Variants in FGF8 observed in about 807,000 individuals in gnomAD.
FGF8 encodes the protein fibroblast growth factor 8, also known as androgen-induced growth factor.
In FGF8, 12 loss-of-function variants were observed where a neutral mutation model predicts 29.7. That is an observed-to-expected ratio of 0.40 (90% CI 0.26 to 0.65). FGF8 has a LOEUF of 0.65. FGF8 is among the 30% of genes least tolerant of loss of function. The pLI is 0.37. For missense variants in FGF8, 271 were observed against 345.1 expected, an observed-to-expected ratio of 0.79 and a Z score of 1.70; for synonymous variants, 157 against 144.4, an observed-to-expected ratio of 1.09 and a Z score of -0.63.
Position 101,775,021 on chromosome 10 carries a change from G to A in FGF8, c.156+109C>T. 1 of 1,500,960 alleles carries A rather than the reference G, an allele frequency of 6.7e-7. No homozygotes were observed. The allele number at this position is 1,500,960 out of a possible 1,614,324, so 93.0% of individuals were successfully genotyped here. Reference sequence around the variant, plus strand: ...CCCTCACTGCCCCAAGCCGCCAGCAGGTGCTGGGGGTTCCCCCAACATGCC... The same window carrying A: ...CCCTCACTGCCCCAAGCCGCCAGCAAGTGCTGGGGGTTCCCCCAACATGCC... On this transcript the variant is annotated intron_variant, in intron 3 of 5. Coordinates refer to ENST00000320185, the MANE Select transcript of FGF8 (RefSeq NM_033163.5). The surrounding 1 kb of genome is among the most constrained non-coding windows in gnomAD (Gnocchi z 4.6).
At position 101,770,306 on chromosome 10, in the gene FGF8, T is replaced by C; in HGVS notation, c.*23A>G. The stretch of plus-strand genomic sequence containing the variant: ...GGATGAGCCTCTCTGCGGTCTGGCA[T>C]TGTGGGGAGGGCCAGGCAGCACCTA... On this transcript the variant is annotated 3_prime_UTR_variant, in exon 6 of 6. Coordinates refer to ENST00000320185, the MANE Select transcript of FGF8 (RefSeq NM_033163.5). 2 of 1,572,274 alleles carry C rather than the reference T, an allele frequency of 1.3e-6. No homozygotes were observed. Among genetic ancestry groups the C allele is most frequent in the East Asian group, 2.3e-5 (1 of 43,712 alleles).
Position 101,771,664 on chromosome 10 carries a change from C to T in FGF8, c.338-95G>A, listed in dbSNP as rs2065028803. 1.1e-6 allele frequency: 1 copy of T among 952,078 alleles called. No homozygotes were observed. Among genetic ancestry groups the T allele is most frequent in the Non-Finnish European group, 1.7e-6 (1 of 595,528 alleles). 59.0% of individuals were successfully genotyped at this position (952,078 alleles called of 1,614,324 possible). The stretch of plus-strand genomic sequence containing the variant: ...GCCCAGCAGCAACTGCTCCAAAGAC[C>T]AGGAACCCAAAACATGGACTCCAGC... On this transcript the variant is annotated intron_variant, in intron 4 of 5. Transcript: ENST00000320185. The surrounding 1 kb of genome is among the most constrained non-coding windows in gnomAD (Gnocchi z 5.3).
Position 101,775,942 on chromosome 10 carries a change from C to T in FGF8, c.-42G>A, listed in dbSNP as rs2065085709. ...GCACCGAGAGCCCGGCGGGTCACGC[C>T]GTCCCGCGGGCCGCCGCGGGAGGAC... On this transcript the variant is annotated 5_prime_UTR_variant, in exon 1 of 6. Transcript: ENST00000320185. This position sits in a 1 kb window ranked among gnomAD's most constrained non-coding sequence, Gnocchi z 4.6. The T allele has an allele frequency of 8.5e-7, 1 of 1,179,098 alleles. No homozygotes were observed. Among genetic ancestry groups the T allele is most frequent in the Non-Finnish European group, 1.0e-6 (1 of 956,332 alleles). 73.0% of individuals were successfully genotyped at this position (1,179,098 alleles called of 1,614,324 possible).
Position 101,771,605 on chromosome 10 carries a change from TC to T in FGF8, c.338-37del, listed in dbSNP as rs2065028118. On this transcript the variant is annotated intron_variant, in intron 4 of 5. Transcript: ENST00000320185. This position sits in a 1 kb window ranked among gnomAD's most constrained non-coding sequence, Gnocchi z 5.3. ...AGGTAGCAGGATGGCTATTGGCAGATCCCTGACCCCAGCTGGCCCACACACT... is the reference window on the plus strand; with the variant it reads ...AGGTAGCAGGATGGCTATTGGCAGATCCTGACCCCAGCTGGCCCACACACT... The T allele has an allele frequency of 1.3e-6, 2 of 1,546,510 alleles. No individual in the cohort carries two copies. The highest frequency in any genetic ancestry group is 2.7e-5 in the African/African-American group (2 of 73,662).
rs968878417 is a variant in FGF8 at position 101,775,949 on chromosome 10, CG to C, written c.-50del. ...GAGCCCGGCGGGTCACGCCGTCCCG[CG>C]GGCCGCCGCGGGAGGACGCGCTGAG... On this transcript the variant is annotated 5_prime_UTR_variant, in exon 1 of 6. Coordinates refer to ENST00000320185, the MANE Select transcript of FGF8 (RefSeq NM_033163.5). The surrounding 1 kb of genome is among the most constrained non-coding windows in gnomAD (Gnocchi z 4.6). 8 of 1,151,604 alleles carry C rather than the reference CG, an allele frequency of 6.9e-6. No individual in the cohort carries two copies. The African/African-American group carries it at 1.3e-4, about 19-fold the overall frequency. 71.3% of individuals were successfully genotyped at this position (1,151,604 alleles called of 1,614,324 possible).
At position 101,772,303 on chromosome 10, in the gene FGF8, A is replaced by G. The variant is rs143643334; in HGVS notation, c.338-734T>C. On this transcript the variant is annotated intron_variant, in intron 4 of 5. Coordinates refer to ENST00000320185, the MANE Select transcript of FGF8 (RefSeq NM_033163.5). This position sits in a 1 kb window ranked among gnomAD's most constrained non-coding sequence, Gnocchi z 4.4. ...CCCAGTGTCTAGAAATCAACAACTCAATTGTCTTTTCTCTTTCAGCCTCAT... is the reference window on the plus strand; with the variant it reads ...CCCAGTGTCTAGAAATCAACAACTCGATTGTCTTTTCTCTTTCAGCCTCAT... Among the ~76,000 whole-genome samples, 11 of 152,208 alleles carry G rather than the reference A, an allele frequency of 7.2e-5. No homozygotes were observed. Among genetic ancestry groups the G allele is most frequent in the South Asian group, 2.1e-4 (1 of 4,818 alleles).
Position 101,775,649 on chromosome 10 carries a change from G to T in FGF8, c.69+91C>A. ...TGCCCTCAGCCCTCCCGCGCCGGCCGCAGAGTCAGTCCCGGTGCCCCCGAC... is the reference window on the plus strand; with the variant it reads ...TGCCCTCAGCCCTCCCGCGCCGGCCTCAGAGTCAGTCCCGGTGCCCCCGAC... On this transcript the variant is annotated intron_variant, in intron 2 of 5. Coordinates refer to ENST00000320185, the MANE Select transcript of FGF8 (RefSeq NM_033163.5). This position sits in a 1 kb window ranked among gnomAD's most constrained non-coding sequence, Gnocchi z 4.6. The T allele has an allele frequency of 2.8e-6, 4 of 1,436,318 alleles. No individual in the cohort carries two copies. Among genetic ancestry groups the T allele is most frequent in the Non-Finnish European group, 3.8e-6 (4 of 1,063,414 alleles). 89.0% of individuals were successfully genotyped at this position (1,436,318 alleles called of 1,614,324 possible).
At chr10:101,773,681 C>T (rs1018888474) in intron 4 of FGF8, among the ~76,000 whole-genome samples, 1 of 152,196 alleles carries the variant, frequency 6.6e-6, no homozygotes, top group Non-Finnish European at 1.5e-5. Flanking sequence ...GCGAGACATA[C>T]TCGATCCCCC....
At position 101,770,141 on chromosome 10, in the gene FGF8, T is replaced by TTA. The variant is rs777508301; in HGVS notation, c.*187_*188insTA. On this transcript the variant is annotated 3_prime_UTR_variant, in exon 6 of 6. Transcript: ENST00000320185. ...CAAAAATAGAGCCTCTCTTTTGTTTTAAAAAAAAAAAAAAAAAAAAAAACA... is the reference window on the plus strand; with the variant it reads ...CAAAAATAGAGCCTCTCTTTTGTTTTTAAAAAAAAAAAAAAAAAAAAAAAACA... 2.0e-5 allele frequency: 8 copies of TTA among 393,066 alleles called. No homozygotes were observed. Among genetic ancestry groups the TTA allele is most frequent in the African/African-American group, 5.1e-5 (2 of 39,078 alleles). 24.3% of individuals were successfully genotyped at this position (393,066 alleles called of 1,614,324 possible).
At chr10:101,779,013 GCACAGA>G (rs1409823214), upstream of FGF8, among the ~76,000 whole-genome samples, 1 of 151,806 alleles carries the variant, frequency 6.6e-6, no homozygotes, top group Non-Finnish European at 1.5e-5. The surrounding 1 kb of genome is among the most constrained non-coding windows in gnomAD (Gnocchi z 5.7). Context: ...ACACACACAC[GCACAGA>G]CACAAACTCC....
chr10:101,772,626 C>G lies in FGF8; in HGVS notation c.338-1057G>C, dbSNP rs1317484283. Among the ~76,000 whole-genome samples, 2 of 152,230 alleles carry G rather than the reference C, an allele frequency of 1.3e-5. No individual in the cohort carries two copies. The highest frequency in any genetic ancestry group is 2.9e-5 in the Non-Finnish European group (2 of 68,034). On this transcript the variant is annotated intron_variant, in intron 4 of 5. Transcript: ENST00000320185. The surrounding 1 kb of genome is among the most constrained non-coding windows in gnomAD (Gnocchi z 4.4). ...GTCCCTGCCGCAGAGCCCAGCCTCT[C>G]CCCTCCCTGAGAAAGCAGTTCTTGG...
rs1284593415 is a variant in FGF8, at chr10:101,774,987, C to T, written c.157-75G>A. On this transcript the variant is annotated intron_variant, in intron 3 of 5. Transcript: ENST00000320185. ...CCAGGGGCCCGAGTGGCCCCATCACCCTGCGTCCCCCTCACTGCCCCAAGC... is the reference window on the plus strand; with the variant it reads ...CCAGGGGCCCGAGTGGCCCCATCACTCTGCGTCCCCCTCACTGCCCCAAGC... 7 of 1,552,670 alleles carry T rather than the reference C, an allele frequency of 4.5e-6. No individual in the cohort carries two copies. In the African/African-American group the frequency reaches 5.4e-5, roughly 12 times the overall value.
Position 101,770,490 on chromosome 10 carries a change from AGCCCTTGCGGGGCCG to A in FGF8, c.559_573del (p.Arg187_Gly191del), listed in dbSNP as rs1554834321. 6.2e-7 allele frequency: 1 copy of A among 1,613,650 alleles called. No homozygotes were observed. The highest frequency in any genetic ancestry group is 8.5e-7 in the Non-Finnish European group (1 of 1,179,884). On this transcript the variant is annotated inframe_deletion, in exon 6 of 6. Coordinates refer to ENST00000320185, the MANE Select transcript of FGF8 (RefSeq NM_033163.5). Reference sequence around the variant, plus strand: ...TCACGCTGGTGCTGCCGCGTCTTGGAGCCCTTGCGGGGCCGGCCCTTGCGGGTGAAGGCCATGTAC... The same window carrying A: ...TCACGCTGGTGCTGCCGCGTCTTGGAGCCCTTGCGGGTGAAGGCCATGTAC...
rs1392068036 is a variant in FGF8 at position 101,776,037 on chromosome 10, C to CGGGTCCCGT, written c.-146_-138dup. On this transcript the variant is annotated 5_prime_UTR_variant, in exon 1 of 6. Transcript: ENST00000320185. ...CGGCGGCGATCACGACGCGGCTCCG[C>CGGGTCCCGT]GGGTCCCGTGGAACGTCGTGCTCGC... The CGGGTCCCGT allele has an allele frequency of 1.1e-5, 4 of 360,366 alleles. No individual in the cohort carries two copies. Among genetic ancestry groups the CGGGTCCCGT allele is most frequent in the Non-Finnish European group, 1.7e-5 (4 of 238,822 alleles). The allele number at this position is 360,366 out of a possible 1,614,324, so 22.3% of individuals were successfully genotyped here. A position where few individuals can be genotyped will look rare whatever the true frequency, so the allele number is the denominator to read the frequency against.
chr10:101,777,784 G>C (rs190581371), upstream of FGF8, among the ~76,000 whole-genome samples: 6 of 152,348 alleles, frequency 3.9e-5, no homozygotes, highest in African/African-American at 1.4e-4. Flanking sequence ...AATGAATGAT[G>C]GGGGAAGTGG....
At position 101,775,853 on chromosome 10, in the gene FGF8, G is replaced by C. The variant is rs1407996257; in HGVS notation, c.32+16C>G. On this transcript the variant is annotated intron_variant, in intron 1 of 5. Coordinates refer to ENST00000320185, the MANE Select transcript of FGF8 (RefSeq NM_033163.5). This position sits in a 1 kb window ranked among gnomAD's most constrained non-coding sequence, Gnocchi z 4.6. ...CGCGGGGGGCGGGTGGCGGGGCAGG[G>C]CGGCGCGGTACTCACAGGCAGCTCA... 2 of 1,510,670 alleles carry C rather than the reference G, an allele frequency of 1.3e-6. No individual in the cohort carries two copies. The highest frequency in any genetic ancestry group is 1.8e-6 in the Non-Finnish European group (2 of 1,134,670). The allele number at this position is 1,510,670 out of a possible 1,614,324, so 93.6% of individuals were successfully genotyped here. A position where few individuals can be genotyped will look rare whatever the true frequency, so the allele number is the denominator to read the frequency against.
At chr10:101,773,260 G>T (rs1287510045) in intron 4 of FGF8, among the ~76,000 whole-genome samples, 11 of 152,184 alleles carry the variant, frequency 7.2e-5, no homozygotes, top group Non-Finnish European at 1.5e-5. Flanking sequence ...CTTGACTTCT[G>T]CTTCCCTCCC....
rs137852663 is a variant in FGF8 at position 101,771,528 on chromosome 10, G to C, written c.379C>G (p.Arg127Gly). 7 of 1,614,022 alleles carry C rather than the reference G, an allele frequency of 4.3e-6. No individual in the cohort carries two copies. The highest frequency in any genetic ancestry group is 5.9e-6 in the Non-Finnish European group (7 of 1,180,024). ...AGGCCCGTCTCGGCTCCTCGGACTC[G>C]AACTCTGCTTCCAAAGGTGTCCGTC... The part of the protein sequence containing the change: ...VETDTFGSRV[R>G]VRGAETGLYI... The change falls in exon 5 of 6, where the codon CGA becomes GGA. Residue 127 changes from arginine (R) to glycine (G), a missense_variant. By Grantham distance (125) the Arg-to-Gly change is moderately radical. Coordinates refer to ENST00000320185, the MANE Select transcript of FGF8 (RefSeq NM_033163.5). This position sits in a 1 kb window ranked among gnomAD's most constrained non-coding sequence, Gnocchi z 5.3.
upstream of FGF8, among the ~76,000 whole-genome samples, chr10:101,777,794 G>A (rs1478475553): frequency 2.0e-5 from 3 of 152,358 alleles, no homozygotes; most frequent in Middle Eastern, 3.4e-3. Context: ...GGGGGAAGTG[G>A]CTGAGCCTGT....
Sources: gnomAD v4.1 joint callset for allele counts (sites outside exome capture counted in the v4.1 genomes callset) on GRCh38, gnomAD v4.1.1 for gene constraint, Gnocchi (gnomAD v3.1) non-coding constraint, MANE v1.5 for transcripts, NCBI Gene and HGNC (gene_info 2026-07-23, HGNC 2026-07-21) for gene names.